SPIRE1: variants seen among roughly 807,000 people sequenced by gnomAD.
The protein encoded by SPIRE1 is spire type actin nucleation factor 1.
Under a neutral mutation model 94.1 loss-of-function variants are expected in SPIRE1, and 40 were observed. The observed-to-expected ratio is 0.43, with a 90% CI of 0.33 to 0.55. The LOEUF (loss-of-function observed/expected upper bound fraction) is 0.55, where lower values mean the gene tolerates loss of function less well. Among genes scored for constraint, SPIRE1 ranks in the 20% least tolerant of loss-of-function variants. The probability of loss-of-function intolerance (pLI) is 0.06; values close to 1 mark genes in which losing one functional copy is unlikely to be tolerated. For missense variants in SPIRE1, 838 were observed against 975.2 expected, an observed-to-expected ratio of 0.86 and a Z score of 1.87; for synonymous variants, 376 against 371.7, an observed-to-expected ratio of 1.01 and a Z score of -0.13.
At chr18:12,622,578 A>G (rs1377492643) in intron 2 of SPIRE1, among the ~76,000 whole-genome samples, 1 of 151,764 alleles carries the variant, frequency 6.6e-6, no homozygotes, top group East Asian at 1.9e-4. Context: ...ACCCACCACC[A>G]TGCCCGGCTA....
intron 6 of SPIRE1, 110 bp downstream of exon 6, chr18:12,506,367 C>T: frequency 1.1e-6 from 1 of 917,026 alleles, no homozygotes; most frequent in East Asian, 2.4e-5. Context: ...CCATGTTGGT[C>T]AAGCTGGTCT....
At chr18:12,561,727 T>C (rs1453667230) in intron 2 of SPIRE1, among the ~76,000 whole-genome samples, 1 of 152,258 alleles carries the variant, frequency 6.6e-6, no homozygotes, top group Non-Finnish European at 1.5e-5. Flanking sequence ...ACATCCCATA[T>C]ATTTTGTACT....
At chr18:12,478,337 C>G (rs918492476) in intron 10 of SPIRE1, among the ~76,000 whole-genome samples, 1 of 143,110 alleles carries the variant, frequency 7.0e-6, no homozygotes, top group Non-Finnish European at 1.5e-5. Context: ...TGTGTGTGCA[C>G]GCATGCATGT....
intron 4 of SPIRE1, among the ~76,000 whole-genome samples, chr18:12,534,243 A>C (rs2034774403): frequency 6.6e-6 from 1 of 152,126 alleles, no homozygotes; most frequent in African/African-American, 2.4e-5. Flanking sequence ...GGTTAAGTAC[A>C]CCTTATTGGG....
intron 4 of SPIRE1, among the ~76,000 whole-genome samples, chr18:12,525,201 C>CGGAA (rs1240526741): frequency 3.5e-5 from 5 of 141,026 alleles, no homozygotes; most frequent in Non-Finnish European, 4.5e-5. Context: ...GGCGTGAACC[C>CGGAA]GGAAGGCGGA....
intron 1 of SPIRE1, chr18:12,652,989 G>C (rs2038424420): frequency 6.6e-6 from 1 of 152,212 alleles, no homozygotes; most frequent in African/African-American, 2.4e-5. Flanking sequence ...GCCTGTAGAA[G>C]GATTCACTCA....
At chr18:12,472,819 G>C (rs2143693407) in intron 10 of SPIRE1, among the ~76,000 whole-genome samples, 1 of 152,144 alleles carries the variant, frequency 6.6e-6, no homozygotes, top group South Asian at 2.1e-4. Flanking sequence ...ACCAAATGAA[G>C]TCTCACTCTG....
chr18:12,559,855 G>C lies in SPIRE1; in HGVS notation c.373-12951C>G, dbSNP rs570720123. On this transcript the variant is annotated intron_variant, in intron 2 of 16. Coordinates refer to ENST00000409402, the MANE Select transcript of SPIRE1 (RefSeq NM_001128626.2). The surrounding 1 kb of genome is among the most constrained non-coding windows in gnomAD (Gnocchi z 4.7). ...ATGTGCAAACTGTCCATCTGACAAG[G>C]GGTAATAACCACAATATATAAGGAC... Among the ~76,000 whole-genome samples, 3 of 152,196 alleles carry C rather than the reference G, an allele frequency of 2.0e-5. No homozygotes were observed. Among genetic ancestry groups the C allele is most frequent in the African/African-American group, 7.2e-5 (3 of 41,506 alleles).
chr18:12,589,330 C>T (rs574875579), intron 2 of SPIRE1, among the ~76,000 whole-genome samples: 1 of 152,220 alleles, frequency 6.6e-6, no homozygotes, highest in Admixed American at 6.5e-5. Flanking sequence ...TAAAAGGCAA[C>T]AGAGCTAAAG....
At chr18:12,464,144 T>C (rs1281266822) in intron 11 of SPIRE1, among the ~76,000 whole-genome samples, 1 of 152,188 alleles carries the variant, frequency 6.6e-6, no homozygotes, top group African/African-American at 2.4e-5. Flanking sequence ...GATCCATCTA[T>C]TTAGACTGTC....
At chr18:12,624,078 C>T (rs75740159) in intron 2 of SPIRE1, among the ~76,000 whole-genome samples, 23,052 of 150,616 alleles carry the variant, frequency 0.15, 1,982 homozygotes, top group Admixed American at 0.24. Context: ...CACGTGTCAC[C>T]ACACCCAACT....
intron 1 of SPIRE1, among the ~76,000 whole-genome samples, chr18:12,655,272 G>A (rs2038508395): frequency 6.6e-6 from 1 of 151,020 alleles, no homozygotes; most frequent in Non-Finnish European, 1.5e-5. Flanking sequence ...GAGAGAAAGA[G>A]AAAGAAATAA....
intron 5 of SPIRE1, among the ~76,000 whole-genome samples, chr18:12,507,906 G>A (rs1773785986): frequency 6.6e-6 from 1 of 151,920 alleles, no homozygotes; most frequent in Non-Finnish European, 1.5e-5. Context: ...CAGCACTCTG[G>A]GAGGCTGATG....
chr18:12,571,270 T>A (rs949806599), intron 2 of SPIRE1, among the ~76,000 whole-genome samples: 1 of 152,146 alleles, frequency 6.6e-6, no homozygotes, highest in Non-Finnish European at 1.5e-5. Flanking sequence ...AGATGAGGTT[T>A]CACTATGTTG....
At chr18:12,455,026 C>A (rs1354189260) in intron 12 of SPIRE1, among the ~76,000 whole-genome samples, 4 of 151,896 alleles carry the variant, frequency 2.6e-5, no homozygotes, top group Non-Finnish European at 5.9e-5. Context: ...GCCTTGACTT[C>A]CTGGGCTCAA....
At chr18:12,464,512 G>C (rs2032007654) in intron 11 of SPIRE1, among the ~76,000 whole-genome samples, 1 of 152,080 alleles carries the variant, frequency 6.6e-6, no homozygotes, top group African/African-American at 2.4e-5. Flanking sequence ...GGGTGTGTGT[G>C]GGTGGTAGGT....
intron 12 of SPIRE1, among the ~76,000 whole-genome samples, chr18:12,454,905 T>C (rs185965325): frequency 1.3e-5 from 2 of 152,106 alleles, no homozygotes; most frequent in East Asian, 1.9e-4. Flanking sequence ...GTACATTATA[T>C]ACCAATAGAT....
At chr18:12,660,879 C>T (rs1303389762), upstream of SPIRE1, among the ~76,000 whole-genome samples, 1 of 152,176 alleles carries the variant, frequency 6.6e-6, no homozygotes, top group Non-Finnish European at 1.5e-5. Flanking sequence ...TGTTTCTTCT[C>T]TACACAAAAT....
chr18:12,565,097 A>G (rs2035785252), intron 2 of SPIRE1, among the ~76,000 whole-genome samples: 1 of 152,198 alleles, frequency 6.6e-6, no homozygotes, highest in African/African-American at 2.4e-5. Flanking sequence ...ATCGAGCATG[A>G]TAAATGCCAA....
Sources: allele counts gnomAD v4.1 joint callset (sites outside exome capture counted in the v4.1 genomes callset), GRCh38; gene constraint gnomAD v4.1.1; non-coding constraint Gnocchi (gnomAD v3.1); transcripts MANE v1.5; gene names NCBI Gene and HGNC (gene_info 2026-07-23, HGNC 2026-07-21).